CLIC2: variants seen among roughly 807,000 people sequenced by gnomAD.
CLIC2 encodes the protein CLIC family member 2.
Under a neutral mutation model 14.8 loss-of-function variants are expected in CLIC2, and 9 were observed. That is an observed-to-expected ratio of 0.61 (90% confidence interval 0.37 to 1.06). CLIC2 has a LOEUF of 1.06. Ranked by LOEUF, CLIC2 falls within the 50% of genes least tolerant of loss-of-function variation. The pLI is 0.01. For synonymous variants in CLIC2, 61 were observed against 66.3 expected, an observed-to-expected ratio of 0.92 and a Z score of 0.39; for missense variants, 148 against 181.4, an observed-to-expected ratio of 0.82 and a Z score of 1.06.
intron 1 of CLIC2, chrX:155,310,369 C>A: frequency 4.5e-6 from 1 of 220,331 alleles, no homozygotes; most frequent in Non-Finnish European, 9.0e-6. Context: ...CACAAGGTGG[C>A]TTGTTTATGT....
intron 1 of CLIC2, among the ~76,000 whole-genome samples, chrX:155,318,464 A>AAAAAT (rs1266444215): frequency 1.8e-5 from 2 of 111,903 alleles, no homozygotes; most frequent in Non-Finnish European, 3.8e-5. Context: ...CATAGTTGCA[A>AAAAAT]AAAATAAAAT....
chrX:155,296,313 G>A (rs782329755), intron 3 of CLIC2, among the ~76,000 whole-genome samples: 66 of 111,823 alleles, frequency 5.9e-4, no homozygotes, highest in Non-Finnish European at 1.1e-3. Context: ...GCCATATGCA[G>A]AAGAATGAAA....
intron 1 of CLIC2, among the ~76,000 whole-genome samples, chrX:155,310,993 A>T (rs782473402): frequency 6.3e-5 from 7 of 111,496 alleles, no homozygotes; most frequent in Admixed American, 1.9e-4. Flanking sequence ...CAGCAGAGGG[A>T]CCCTGCGCCC....
At chrX:155,325,833 C>T (rs1297358405) in intron 1 of CLIC2, among the ~76,000 whole-genome samples, 1 of 81,867 alleles carries the variant, frequency 1.2e-5, no homozygotes, top group Non-Finnish European at 2.3e-5. Context: ...CCATGGAATA[C>T]TACTCAGCCA....
chrX:155,306,082 C>T (rs1395122940), intron 1 of CLIC2, among the ~76,000 whole-genome samples: 5 of 111,284 alleles, frequency 4.5e-5, no homozygotes, highest in Non-Finnish European at 7.5e-5. Flanking sequence ...AGTCTTATGC[C>T]TTTCATTAAA....
At chrX:155,327,229 G>A (rs782761568) in intron 1 of CLIC2, among the ~76,000 whole-genome samples, 6 of 111,208 alleles carry the variant, frequency 5.4e-5, no homozygotes, top group Non-Finnish European at 9.5e-5. Flanking sequence ...TAATGTTATA[G>A]AAATAAATTC....
intron 1 of CLIC2, among the ~76,000 whole-genome samples, chrX:155,304,842 T>A (rs1460065269): frequency 7.9e-5 from 7 of 88,809 alleles, no homozygotes; most frequent in Admixed American, 6.5e-4. Flanking sequence ...CCCTGCCGTG[T>A]GAGGTGTCAG....
intron 1 of CLIC2, among the ~76,000 whole-genome samples, chrX:155,302,188 G>T (rs1458463843): frequency 9.8e-4 from 105 of 107,147 alleles, no homozygotes; most frequent in African/African-American, 3.5e-3. Context: ...GGTAGAATTC[G>T]GCTGTGAATC....
intron 3 of CLIC2, among the ~76,000 whole-genome samples, chrX:155,281,598 A>G (rs2074919655): frequency 9.0e-6 from 1 of 110,751 alleles, no homozygotes; most frequent in Non-Finnish European, 1.9e-5. Context: ...CTAACTCCAC[A>G]TTTGATCTAT....
At position 155,277,308 on chromosome X, in the gene CLIC2, G is replaced by A. The variant is rs1029968266; in HGVS notation, c.*595C>T. ...AAAATAATATAATCTGGTCACAAAG[G>A]CTACATTCTCATCTCTGACCATGAG... On this transcript the variant is annotated 3_prime_UTR_variant, in exon 6 of 6. Coordinates refer to ENST00000369449, the MANE Select transcript of CLIC2 (RefSeq NM_001289.6). 5 of 111,118 alleles carry A rather than the reference G, an allele frequency of 4.5e-5. No individual in the cohort carries two copies. Among genetic ancestry groups the A allele is most frequent in the Non-Finnish European group, 7.5e-5 (4 of 53,005 alleles). The allele number at this position is 111,118 out of a possible 1,213,427, so 9.2% of individuals were successfully genotyped here. A position where few individuals can be genotyped will look rare whatever the true frequency, so the allele number is the denominator to read the frequency against.
At chrX:155,290,222 G>T (rs2074959091) in intron 3 of CLIC2, 1 of 155,663 alleles carries the variant, frequency 6.4e-6, no homozygotes, top group Non-Finnish European at 1.3e-5. Flanking sequence ...AAAGTACATA[G>T]AAGTGACAAG....
intron 1 of CLIC2, among the ~76,000 whole-genome samples, chrX:155,332,845 CTAAT>C (rs1358458308): frequency 8.9e-6 from 1 of 112,228 alleles, no homozygotes; most frequent in African/African-American, 3.2e-5. Context: ...TTTCAGGAGT[CTAAT>C]TGAGTTGAAT....
At chrX:155,287,764 GT>G (rs2074948202) in intron 3 of CLIC2, among the ~76,000 whole-genome samples, 2 of 112,192 alleles carry the variant, frequency 1.8e-5, no homozygotes, top group Admixed American at 1.9e-4. Context: ...TTTTAAAATA[GT>G]TTTTTCTAGT....
intron 1 of CLIC2, among the ~76,000 whole-genome samples, chrX:155,311,977 T>A (rs1198420193): frequency 8.9e-6 from 1 of 111,820 alleles, no homozygotes; most frequent in Non-Finnish European, 1.9e-5. Flanking sequence ...CATGAGGGAA[T>A]TATGGGAGCT....
chrX:155,300,101 A>G (rs1557318865), intron 1 of CLIC2, among the ~76,000 whole-genome samples: 1 of 108,549 alleles, frequency 9.2e-6, no homozygotes, highest in East Asian at 2.9e-4. Context: ...CAGTAATGGG[A>G]TGGCTGGGTC....
At chrX:155,328,058 T>C (rs782537562) in intron 1 of CLIC2, among the ~76,000 whole-genome samples, 4 of 111,373 alleles carry the variant, frequency 3.6e-5, no homozygotes, top group Non-Finnish European at 7.6e-5. Flanking sequence ...AGTATTATAC[T>C]GAATGGACAA....
At chrX:155,280,990 G>GAGATATATATATATATAT (rs1557316382) in intron 3 of CLIC2, among the ~76,000 whole-genome samples, 1 of 89,918 alleles carries the variant, frequency 1.1e-5, no homozygotes, top group Non-Finnish European at 2.2e-5. Flanking sequence ...GAAATTGTGA[G>GAGATATATATATATATAT]ATATATATAT....
intron 1 of CLIC2, among the ~76,000 whole-genome samples, chrX:155,322,934 C>A (rs956261334): frequency 8.9e-6 from 1 of 112,080 alleles, no homozygotes; most frequent in African/African-American, 3.2e-5. Flanking sequence ...CACCTCTACA[C>A]AAATAAACTA....
intron 1 of CLIC2, among the ~76,000 whole-genome samples, chrX:155,320,788 C>A (rs1030664687): frequency 9.0e-6 from 1 of 111,448 alleles, no homozygotes; most frequent in Admixed American, 9.5e-5. Flanking sequence ...CATGTTCTAA[C>A]CCAATGCAAA....
Sources: gnomAD v4.1 joint callset for allele counts (sites outside exome capture counted in the v4.1 genomes callset) on GRCh38, gnomAD v4.1.1 for gene constraint, MANE v1.5 for transcripts, NCBI Gene and HGNC (gene_info 2026-07-23, HGNC 2026-07-21) for gene names.